NEGR1: variants seen among roughly 807,000 people sequenced by gnomAD.
NEGR1 encodes the protein neuronal growth regulator 1.
A neutral mutation model predicts 40.9 loss-of-function variants in NEGR1; 10 were observed. The ratio of observed to expected loss-of-function variants is 0.24; its 90% confidence interval spans 0.15 to 0.42. NEGR1 has a LOEUF of 0.42. Ranked by LOEUF, NEGR1 falls within the 10% of genes least tolerant of loss-of-function variation. The pLI is 1.00. For missense variants in NEGR1, 352 were observed against 438.9 expected (o/e 0.80, Z 1.77); for synonymous variants, 185 against 166.8 (o/e 1.11, Z -0.84).
chr1:72,224,227 C>CT (rs1654103540), intron 1 of NEGR1, among the ~76,000 whole-genome samples: 1 of 151,904 alleles, frequency 6.6e-6, no homozygotes, highest in Non-Finnish European at 1.5e-5. Flanking sequence ...AAGAAGATTC[C>CT]TCTTTATTAA....
At chr1:71,819,360 T>C (rs1658343420) in intron 2 of NEGR1, among the ~76,000 whole-genome samples, 1 of 151,762 alleles carries the variant, frequency 6.6e-6, no homozygotes, top group South Asian at 2.1e-4. Context: ...AGTAGTAACA[T>C]AAAAATAAAT....
chr1:72,051,961 T>C (rs1286927173), intron 1 of NEGR1, among the ~76,000 whole-genome samples: 3 of 151,398 alleles, frequency 2.0e-5, no homozygotes, highest in African/African-American at 7.3e-5. Flanking sequence ...AAGATCTTGA[T>C]TGAACTTTCA....
intron 6 of NEGR1, among the ~76,000 whole-genome samples, chr1:71,566,557 C>G (rs936944731): frequency 4.6e-5 from 7 of 152,104 alleles, no homozygotes; most frequent in African/African-American, 1.7e-4. Context: ...AGGCTAGTAA[C>G]AGAGTTGGAT....
chr1:71,822,299 A>T (rs1397681849), intron 2 of NEGR1, among the ~76,000 whole-genome samples: 1 of 151,990 alleles, frequency 6.6e-6, no homozygotes, highest in Non-Finnish European at 1.5e-5. Context: ...GCACAAAATG[A>T]GAAGATCTAC....
chr1:71,617,603 C>T (rs1018309987), intron 4 of NEGR1, among the ~76,000 whole-genome samples: 1 of 152,126 alleles, frequency 6.6e-6, no homozygotes, highest in African/African-American at 2.4e-5. Context: ...TTTCACTATT[C>T]GGGTCAAATA....
At chr1:71,652,631 T>G (rs910764995) in intron 4 of NEGR1, among the ~76,000 whole-genome samples, 8 of 152,150 alleles carry the variant, frequency 5.3e-5, no homozygotes. Flanking sequence ...TTTGGGAGAC[T>G]GAGGCCGGTG....
chr1:72,116,942 T>C (rs1009238895), intron 1 of NEGR1, among the ~76,000 whole-genome samples: 4 of 151,774 alleles, frequency 2.6e-5, no homozygotes, highest in African/African-American at 9.7e-5. Context: ...AGTTCATTAA[T>C]AGCTTAGTGC....
rs1481244837 is a variant in NEGR1, at chr1:71,895,391, T to C, written c.409+39688A>G. 2.6e-5 allele frequency among the ~76,000 whole-genome samples: 4 copies of C among 152,192 alleles called. No homozygotes were observed. In the East Asian group the frequency reaches 7.7e-4, roughly 29 times the overall value. On this transcript the variant is annotated intron_variant, in intron 2 of 6. Transcript: ENST00000357731. ...CAAAAGTTTTTAGCAAATCCAGTTTTGTAAGCATCATATTTTCATCACTCC... is the reference window on the plus strand; with the variant it reads ...CAAAAGTTTTTAGCAAATCCAGTTTCGTAAGCATCATATTTTCATCACTCC...
At chr1:71,899,007 T>TAGC (rs1661069890) in intron 2 of NEGR1, among the ~76,000 whole-genome samples, 1 of 119,884 alleles carries the variant, frequency 8.3e-6, no homozygotes, top group South Asian at 2.7e-4. Context: ...TATATATATA[T>TAGC]ATATATATGG....
chr1:71,994,203 A>C (rs891703024), intron 1 of NEGR1, among the ~76,000 whole-genome samples: 3 of 152,194 alleles, frequency 2.0e-5, no homozygotes, highest in Non-Finnish European at 4.4e-5. Flanking sequence ...TATGAGCCTA[A>C]AGGTGATAAG....
intron 2 of NEGR1, among the ~76,000 whole-genome samples, chr1:71,811,691 G>A (rs1366188542): frequency 1.3e-5 from 2 of 150,770 alleles, no homozygotes; most frequent in African/African-American, 4.9e-5. Context: ...TTTTAGAGAA[G>A]AAGTTTTCAA....
At chr1:71,990,479 C>G (rs1646439535) in intron 1 of NEGR1, among the ~76,000 whole-genome samples, 3 of 152,136 alleles carry the variant, frequency 2.0e-5, no homozygotes, top group Non-Finnish European at 2.9e-5. Flanking sequence ...TAAGAGGAAT[C>G]TTAATATCTG....
rs574427356 is a variant in NEGR1 at position 71,741,472 on chromosome 1, T to C, written c.535+34700A>G. Among the ~76,000 whole-genome samples, 47 of 152,322 alleles carry C rather than the reference T, an allele frequency of 3.1e-4. 1 individual carries two copies. The highest frequency in any genetic ancestry group is 6.8e-3 in the Middle Eastern group (2 of 294). ...TTCAGTTCTTTCAGGTTGATCTTTC[T>C]GGAAAAACTCATTAATCTCTCCAAA... On this transcript the variant is annotated intron_variant, in intron 3 of 6. Transcript: ENST00000357731.
chr1:72,247,931 C>T (rs12084649), intron 1 of NEGR1, among the ~76,000 whole-genome samples: 6,242 of 152,042 alleles, frequency 0.041, 413 homozygotes, highest in African/African-American at 0.14. Context: ...GGGGAGGCAT[C>T]GGGAAGCTTA....
intron 6 of NEGR1, among the ~76,000 whole-genome samples, chr1:71,578,579 G>A (rs1309926861): frequency 6.6e-6 from 1 of 152,058 alleles, no homozygotes; most frequent in Non-Finnish European, 1.5e-5. Context: ...TCAGGGGCAA[G>A]ACTATTTAAC....
At chr1:71,574,123 T>C (rs1424112127) in intron 6 of NEGR1, among the ~76,000 whole-genome samples, 2 of 152,202 alleles carry the variant, frequency 1.3e-5, no homozygotes, top group Non-Finnish European at 2.9e-5. Context: ...GCTTACTTAC[T>C]GGCTTCTGGA....
intron 1 of NEGR1, among the ~76,000 whole-genome samples, chr1:72,278,310 A>G (rs751419382): frequency 2.0e-5 from 3 of 152,152 alleles, no homozygotes; most frequent in Non-Finnish European, 2.9e-5. Context: ...TTGAATTCAT[A>G]TCAGAAAGGC....
intron 6 of NEGR1, among the ~76,000 whole-genome samples, chr1:71,537,883 T>G (rs990689849): frequency 4.0e-5 from 6 of 151,688 alleles, no homozygotes; most frequent in Non-Finnish European, 8.9e-5. Context: ...GCTTTTCTGA[T>G]GAGCAACAGT....
chr1:71,793,547 A>G (rs1311438837), intron 2 of NEGR1, among the ~76,000 whole-genome samples: 6 of 151,964 alleles, frequency 3.9e-5, no homozygotes, highest in Admixed American at 3.9e-4. Flanking sequence ...TAACAAAAAT[A>G]AAATGAGGAA....
Sources: allele counts gnomAD v4.1 joint callset (sites outside exome capture counted in the v4.1 genomes callset), GRCh38; gene constraint gnomAD v4.1.1; transcripts MANE v1.5; gene names NCBI Gene and HGNC (gene_info 2026-07-23, HGNC 2026-07-21).